The following FAM135B variants were observed in gnomAD, a reference collection of about 807,000 sequenced individuals.
FAM135B encodes protein FAM135B.
In FAM135B, 43 loss-of-function variants were observed where a neutral mutation model predicts 127.7. The observed-to-expected ratio is 0.34, with a 90% confidence interval of 0.26 to 0.43. The LOEUF (loss-of-function observed/expected upper bound fraction) is 0.43. Among genes scored for constraint, FAM135B ranks in the 20% least tolerant of loss-of-function variants. The pLI is 1.00. For synonymous variants in FAM135B, 670 were observed against 665.1 expected (o/e 1.01, Z -0.11); for missense variants, 1,558 against 1,725.6 (o/e 0.90, Z 1.72).
chr8:138,446,219 G>A (rs1836150521), intron 1 of FAM135B, among the ~76,000 whole-genome samples: 1 of 152,138 alleles, frequency 6.6e-6, no homozygotes, highest in Non-Finnish European at 1.5e-5. Flanking sequence ...CGTGAAAATG[G>A]CCATATTGCC....
At chr8:138,160,508 C>A (rs974496082) in intron 12 of FAM135B, among the ~76,000 whole-genome samples, 10 of 151,994 alleles carry the variant, frequency 6.6e-5, no homozygotes, top group Non-Finnish European at 1.2e-4. Flanking sequence ...CCTGTCTCAG[C>A]CTCCCAAGTA....
At chr8:138,212,198 A>C (rs542432649) in intron 7 of FAM135B, among the ~76,000 whole-genome samples, 79 of 152,242 alleles carry the variant, frequency 5.2e-4, no homozygotes, top group Non-Finnish European at 7.5e-4. Flanking sequence ...CACCTGGCAC[A>C]AAATAGGTAT....
intron 1 of FAM135B, chr8:138,439,376 T>G (rs1320242677): frequency 6.6e-6 from 1 of 152,230 alleles, no homozygotes; most frequent in Non-Finnish European, 1.5e-5. Context: ...AATTCAGACC[T>G]GCCTGATCCC....
chr8:138,176,099 T>C (rs1211130334), intron 11 of FAM135B, among the ~76,000 whole-genome samples: 1 of 152,218 alleles, frequency 6.6e-6, no homozygotes, highest in East Asian at 1.9e-4. Flanking sequence ...CAACTGCTAA[T>C]AAATGCAGGA....
At chr8:138,456,489 T>C (rs1437488565) in intron 1 of FAM135B, among the ~76,000 whole-genome samples, 2 of 152,150 alleles carry the variant, frequency 1.3e-5, no homozygotes, top group Admixed American at 6.5e-5. Flanking sequence ...TCCTTCAATA[T>C]AATCCATGCT....
intron 3 of FAM135B, among the ~76,000 whole-genome samples, chr8:138,295,502 T>C (rs1012777843): frequency 3.3e-5 from 5 of 151,936 alleles, no homozygotes; most frequent in African/African-American, 1.2e-4. Context: ...GAACTGGATA[T>C]TTTTTACACA....
At chr8:138,290,939 C>G (rs1825063302) in intron 3 of FAM135B, among the ~76,000 whole-genome samples, 1 of 152,124 alleles carries the variant, frequency 6.6e-6, no homozygotes, top group African/African-American at 2.4e-5. Flanking sequence ...GGAGATTGAG[C>G]CTCTCCTGCC....
At chr8:138,155,303 C>A (rs1563700433) in intron 12 of FAM135B, among the ~76,000 whole-genome samples, 1 of 152,190 alleles carries the variant, frequency 6.6e-6, no homozygotes, top group Non-Finnish European at 1.5e-5. Flanking sequence ...AAGCACTAAA[C>A]ATGGAAAGGA....
rs1213331144 is a variant in FAM135B at position 138,310,835 on chromosome 8, G to A, written c.157+6C>T. 6.2e-7 allele frequency: 1 copy of A among 1,613,450 alleles called. No individual in the cohort carries two copies. The highest frequency in any genetic ancestry group is 8.5e-7 in the Non-Finnish European group (1 of 1,179,726). ...GCAAGTGCCCCATTGCCATTCTTCT[G>A]CTCACCTGTCTGCCCAGCGATGGAG... On this transcript the variant is annotated splice_donor_region_variant and intron_variant, in intron 3 of 19. Coordinates refer to ENST00000395297, the MANE Select transcript of FAM135B (RefSeq NM_015912.4).
At chr8:138,468,150 A>G (rs1236764227) in intron 1 of FAM135B, among the ~76,000 whole-genome samples, 2 of 152,244 alleles carry the variant, frequency 1.3e-5, no homozygotes, top group Non-Finnish European at 2.9e-5. Flanking sequence ...TGAAACTTTC[A>G]TAATAAATTT....
rs138097085 is a variant in FAM135B, at chr8:138,354,309, T to C, written c.77+13598A>G. 1.3e-4 allele frequency among the ~76,000 whole-genome samples: 20 copies of C among 152,056 alleles called. No homozygotes were observed. The East Asian group carries it at 3.9e-3, about 29-fold the overall frequency. ...GGCTAGCCCCATCCCTCCTACTCTA[T>C]CAAAAACAAAACAAAACAAAACACT... is the stretch of plus-strand genomic sequence containing the variant. On this transcript the variant is annotated intron_variant, in intron 2 of 19. Transcript: ENST00000395297.
At chr8:138,385,280 G>GT (rs1369541078) in intron 1 of FAM135B, among the ~76,000 whole-genome samples, 1 of 152,060 alleles carries the variant, frequency 6.6e-6, no homozygotes, top group African/African-American at 2.4e-5. Flanking sequence ...GATAGTTGGG[G>GT]TATCAACCAC....
At chr8:138,267,356 T>C (rs1375149451) in intron 3 of FAM135B, among the ~76,000 whole-genome samples, 2 of 152,140 alleles carry the variant, frequency 1.3e-5, no homozygotes, top group Non-Finnish European at 2.9e-5. Context: ...CTGTGGTCAA[T>C]AAGGCACCCA....
chr8:138,358,130 T>G (rs1208472977), intron 2 of FAM135B, among the ~76,000 whole-genome samples: 1 of 152,074 alleles, frequency 6.6e-6, no homozygotes, highest in Non-Finnish European at 1.5e-5. Flanking sequence ...TCATGAAACT[T>G]ATTCACTACC....
intron 1 of FAM135B, among the ~76,000 whole-genome samples, chr8:138,429,335 T>TAAA (rs1835072370): frequency 6.6e-6 from 1 of 152,158 alleles, no homozygotes; most frequent in Non-Finnish European, 1.5e-5. Context: ...TGATAGGTGG[T>TAAA]TAATAGCTCT....
At chr8:138,210,982 C>T (rs75253126) in intron 7 of FAM135B, among the ~76,000 whole-genome samples, 6,765 of 152,170 alleles carry the variant, frequency 0.044, 304 homozygotes, top group African/African-American at 0.12. Context: ...ATTGGACCAT[C>T]AGTATGGGGC....
chr8:138,217,555 C>T (rs1030921774), intron 7 of FAM135B, among the ~76,000 whole-genome samples: 21 of 151,610 alleles, frequency 1.4e-4, no homozygotes, highest in African/African-American at 4.6e-4. Flanking sequence ...CTCAGCCTCC[C>T]GAGTAGCTGG....
At chr8:138,300,825 A>C (rs1825832389) in intron 3 of FAM135B, among the ~76,000 whole-genome samples, 2 of 141,350 alleles carry the variant, frequency 1.4e-5, no homozygotes, top group Admixed American at 1.5e-4. Context: ...TTCTCAGCTC[A>C]CTATAACCTC....
intron 3 of FAM135B, among the ~76,000 whole-genome samples, chr8:138,296,404 C>T (rs1825485034): frequency 6.6e-6 from 1 of 152,176 alleles, no homozygotes; most frequent in South Asian, 2.1e-4. Context: ...GCTGTTTATG[C>T]ATTTTATTAT....
Sources: allele counts gnomAD v4.1 joint callset (sites outside exome capture counted in the v4.1 genomes callset), GRCh38; gene constraint gnomAD v4.1.1; transcripts MANE v1.5; gene names NCBI Gene and HGNC (gene_info 2026-07-23, HGNC 2026-07-21).